The following LRRC4C variants were observed in gnomAD, a reference collection of about 807,000 sequenced individuals.
LRRC4C encodes the protein leucine-rich repeat-containing protein 4C.
LRRC4C carries 5 observed loss-of-function variants against 33.6 expected under a neutral mutation model. That is an observed-to-expected ratio of 0.15 (90% CI 0.08 to 0.31). The LOEUF (loss-of-function observed/expected upper bound fraction) is 0.31, where lower values mean the gene tolerates loss of function less well. Among genes scored for constraint, LRRC4C ranks in the 10% least tolerant of loss-of-function variants. The pLI is 1.00. For synonymous variants in LRRC4C, 329 were observed against 302.0 expected (o/e 1.09, Z -0.93); for missense variants, 560 against 796.7 (o/e 0.70, Z 3.58).
chr11:40,412,121 T>C (rs1950177573), intron 3 of LRRC4C, among the ~76,000 whole-genome samples: 1 of 152,080 alleles, frequency 6.6e-6, no homozygotes, highest in African/African-American at 2.4e-5. Flanking sequence ...GCCATATTTT[T>C]AGATTTCTTT....
rs189250679 is a variant in LRRC4C at position 40,336,008 on chromosome 11, C to G, written c.-269-16287G>C. On this transcript the variant is annotated intron_variant, in intron 3 of 6. Coordinates refer to ENST00000528697, the MANE Select transcript of LRRC4C (RefSeq NM_001258419.2). The stretch of plus-strand genomic sequence containing the variant: ...GAGTGCTCCATGTTAAGCACACAGA[C>G]CAGTGCCTGACACATACTAAGCATT... 3.0e-4 allele frequency among the ~76,000 whole-genome samples: 45 copies of G among 152,268 alleles called. No homozygotes were observed. The East Asian group carries it at 8.1e-3, about 27-fold the overall frequency.
intron 1 of LRRC4C, among the ~76,000 whole-genome samples, chr11:41,299,292 G>A (rs1454974181): frequency 6.6e-6 from 1 of 152,082 alleles, no homozygotes; most frequent in Non-Finnish European, 1.5e-5. Context: ...TAGGAGAAAG[G>A]TAAAAACAAT....
intron 3 of LRRC4C, among the ~76,000 whole-genome samples, chr11:40,646,708 G>T (rs767147508): frequency 1.3e-5 from 2 of 152,116 alleles, no homozygotes; most frequent in Admixed American, 6.5e-5. Flanking sequence ...CCGGGTTCAC[G>T]CCATTCTCCT....
At chr11:40,482,457 A>AT (rs113440608) in intron 3 of LRRC4C, among the ~76,000 whole-genome samples, 2,051 of 146,970 alleles carry the variant, frequency 0.014, 46 homozygotes, top group Admixed American at 0.038. Flanking sequence ...AATTACAGGA[A>AT]TTTTTTTTTT....
chr11:40,974,303 T>C (rs1371454211), intron 1 of LRRC4C, among the ~76,000 whole-genome samples: 2 of 152,172 alleles, frequency 1.3e-5, no homozygotes, highest in Non-Finnish European at 2.9e-5. Flanking sequence ...GATGAAGATT[T>C]TCTTGGCCTC....
intron 4 of LRRC4C, among the ~76,000 whole-genome samples, chr11:40,319,054 C>G (rs1212937058): frequency 6.6e-6 from 1 of 152,086 alleles, no homozygotes; most frequent in African/African-American, 2.4e-5. Context: ...GAGCATTTTT[C>G]CTTTTTGGTA....
At chr11:40,122,871 C>CAAAT (rs1279196290) in intron 6 of LRRC4C, among the ~76,000 whole-genome samples, 1 of 140,480 alleles carries the variant, frequency 7.1e-6, no homozygotes, top group Non-Finnish European at 1.5e-5. Flanking sequence ...CAAAACAAAA[C>CAAAT]AAATATATAT....
chr11:40,726,558 C>T (rs55988452), intron 2 of LRRC4C, among the ~76,000 whole-genome samples: 17,456 of 152,102 alleles, frequency 0.11, 1,453 homozygotes, highest in East Asian at 0.43. Flanking sequence ...ATTCAACATC[C>T]TTTCATGATT....
intron 1 of LRRC4C, among the ~76,000 whole-genome samples, chr11:41,454,129 C>T (rs1484812746): frequency 2.0e-5 from 3 of 152,114 alleles, no homozygotes; most frequent in African/African-American, 7.2e-5. Context: ...GCTGACTTTG[C>T]AGTACCGAAA....
At position 40,306,753 on chromosome 11, in the gene LRRC4C, G is replaced by A. The variant is rs983381858; in HGVS notation, c.-176+12875C>T. Among the ~76,000 whole-genome samples the A allele has an allele frequency of 4.6e-5, 7 of 152,096 alleles. No homozygotes were observed. The South Asian group carries it at 8.3e-4, about 18-fold the overall frequency. On this transcript the variant is annotated intron_variant, in intron 4 of 6. Coordinates refer to ENST00000528697, the MANE Select transcript of LRRC4C (RefSeq NM_001258419.2). ...TAGCTCCAATGATTGCCACGCCCAC[G>A]TTCAGAGACTCTCATTAGCTGCATG...
intron 4 of LRRC4C, among the ~76,000 whole-genome samples, chr11:40,317,311 T>G (rs960390554): frequency 6.6e-6 from 1 of 151,042 alleles, no homozygotes; most frequent in Non-Finnish European, 1.5e-5. Context: ...CATTTCCTGA[T>G]TATTCCTCAT....
intron 4 of LRRC4C, among the ~76,000 whole-genome samples, chr11:40,298,898 G>A (rs892319092): frequency 1.3e-5 from 2 of 151,648 alleles, no homozygotes; most frequent in Admixed American, 1.3e-4. Flanking sequence ...AAGAGCATGG[G>A]GGGAAATGCT....
intron 1 of LRRC4C, among the ~76,000 whole-genome samples, chr11:41,005,422 A>G (rs355243): frequency 0.74 from 113,201 of 152,014 alleles, 42,381 homozygotes; most frequent in South Asian, 0.79. Flanking sequence ...TGAGCAACAT[A>G]GTGACACCCA....
chr11:40,169,051 G>T (rs752302996), intron 5 of LRRC4C, among the ~76,000 whole-genome samples: 15 of 151,934 alleles, frequency 9.9e-5, no homozygotes, highest in African/African-American at 2.9e-4. Context: ...ACTTTGCAAC[G>T]GAGCATTTTA....
chr11:40,398,977 C>A (rs1330822276), intron 3 of LRRC4C, among the ~76,000 whole-genome samples: 1 of 152,088 alleles, frequency 6.6e-6, no homozygotes, highest in East Asian at 1.9e-4. Context: ...AGATAACCCT[C>A]TAATTAACAT....
chr11:40,764,020 A>C (rs1448589088), intron 2 of LRRC4C, among the ~76,000 whole-genome samples: 1 of 152,164 alleles, frequency 6.6e-6, no homozygotes, highest in African/African-American at 2.4e-5. Context: ...TTCCAACCCC[A>C]GGTATTGCAG....
At chr11:41,116,153 G>A (rs1360775155) in intron 1 of LRRC4C, among the ~76,000 whole-genome samples, 3 of 152,074 alleles carry the variant, frequency 2.0e-5, no homozygotes, top group Non-Finnish European at 1.5e-5. Context: ...GTATCATCAA[G>A]AGTAAAAACC....
intron 1 of LRRC4C, among the ~76,000 whole-genome samples, chr11:41,174,495 G>A (rs1302666768): frequency 1.3e-5 from 2 of 151,826 alleles, no homozygotes; most frequent in Non-Finnish European, 2.9e-5. Context: ...AAAAATATAA[G>A]TCATATTTTG....
chr11:40,203,211 A>G (rs746256565), intron 5 of LRRC4C, among the ~76,000 whole-genome samples: 16 of 152,122 alleles, frequency 1.1e-4, no homozygotes, highest in Non-Finnish European at 2.4e-4. Context: ...TTCAATTCCA[A>G]TCAGTCTGAA....
Sources: gnomAD v4.1 joint callset for allele counts (sites outside exome capture counted in the v4.1 genomes callset) on GRCh38, gnomAD v4.1.1 for gene constraint, MANE v1.5 for transcripts, NCBI Gene and HGNC (gene_info 2026-07-23, HGNC 2026-07-21) for gene names.